The following ACACB variants were observed in gnomAD, a reference collection of about 807,000 sequenced individuals.
The protein encoded by ACACB is acetyl-CoA carboxylase 2.
A neutral mutation model predicts 278.8 loss-of-function variants in ACACB; 209 were observed. The observed-to-expected ratio is 0.75, with a 90% CI of 0.67 to 0.84. ACACB has a LOEUF of 0.84. Among genes scored for constraint, ACACB ranks in the 40% least tolerant of loss-of-function variants. ACACB has a pLI of 0.00. For missense variants in ACACB, 2,850 were observed against 3,269.0 expected, an observed-to-expected ratio of 0.87 and a Z score of 3.13; for synonymous variants, 1,174 against 1,285.6, an observed-to-expected ratio of 0.91 and a Z score of 1.86.
chr12:109,235,850 T>A (rs2136630797), intron 33 of ACACB: 1 of 529,638 alleles, frequency 1.9e-6, no homozygotes. Flanking sequence ...AATTAAAAAA[T>A]CAGCCTGGCA....
chr12:109,134,417 C>T (rs2042919359), intron 1 of ACACB, among the ~76,000 whole-genome samples: 1 of 152,130 alleles, frequency 6.6e-6, no homozygotes, highest in Admixed American at 6.6e-5. Context: ...CCCTCCTTTC[C>T]TGGGGAGGAT....
chr12:109,151,963 C>T (rs73197474), intron 2 of ACACB, among the ~76,000 whole-genome samples: 4,363 of 152,190 alleles, frequency 0.029, 83 homozygotes, highest in African/African-American at 0.05. Context: ...CATTTCTTTC[C>T]GTCTTCTATT....
At chr12:109,262,623 G>GTTTGT (rs1555237470) in intron 49 of ACACB, among the ~76,000 whole-genome samples, 154 bp downstream of exon 49, 2 of 151,940 alleles carry the variant, frequency 1.3e-5, no homozygotes, top group South Asian at 2.1e-4. Flanking sequence ...ACATTTGTCT[G>GTTTGT]TTTGTTTTGT....
chr12:109,133,863 A>ATATATATTTT (rs55881936), intron 1 of ACACB, among the ~76,000 whole-genome samples: 2 of 70,654 alleles, frequency 2.8e-5, no homozygotes, highest in Non-Finnish European at 5.0e-5. Flanking sequence ...ATATATATAT[A>ATATATATTTT]TTTTTTTTTT....
chr12:109,241,595 G>A (rs1001281468), intron 36 of ACACB: 10 of 345,694 alleles, frequency 2.9e-5, no homozygotes, highest in East Asian at 2.0e-4. Context: ...TGATCTGCCC[G>A]CCTCGACCTC....
chr12:109,148,871 A>G (rs1245419494), intron 2 of ACACB, among the ~76,000 whole-genome samples: 1 of 152,188 alleles, frequency 6.6e-6, no homozygotes. Flanking sequence ...ATAGTAAATA[A>G]TCATTTTATG....
intron 1 of ACACB, chr12:109,131,393 A>C (rs1251801220): frequency 6.6e-6 from 1 of 152,492 alleles, no homozygotes; most frequent in Non-Finnish European, 1.5e-5. Flanking sequence ...AGCCTCACTC[A>C]AGAATGGAGC....
chr12:109,231,223 G>A (rs1306236659), intron 28 of ACACB, among the ~76,000 whole-genome samples: 2 of 152,086 alleles, frequency 1.3e-5, no homozygotes, highest in South Asian at 2.1e-4. Context: ...ATCCCCCTGC[G>A]ATGGGGCTGC....
chr12:109,259,215 T>C, intron 47 of ACACB, 107 bp downstream of exon 47: 2 of 1,353,534 alleles, frequency 1.5e-6, no homozygotes, highest in Non-Finnish European at 2.0e-6. Context: ...ATCATCATCT[T>C]AGCTGTGTCT....
At chr12:109,140,890 C>CATTTTTTTT (rs2043106355) in intron 2 of ACACB, among the ~76,000 whole-genome samples, 1 of 86,754 alleles carries the variant, frequency 1.2e-5, no homozygotes, top group East Asian at 4.9e-4. Flanking sequence ...TTCATTCATT[C>CATTTTTTTT]TTTTTTTTTT....
chr12:109,174,250 C>CCCAGAGGGAAG lies in ACACB; in HGVS notation c.1216+21_1216+22insCAGAGGGAAGC. On this transcript the variant is annotated intron_variant, in intron 7 of 52. Transcript: ENST00000338432. ...GAAGCGGTAAGGGACCCCGAGCTTC[C>CCCAGAGGGAAG]CTCTGGGGGAGCTTCTCAGCCCAGT... 6.3e-7 allele frequency: 1 copy of CCCAGAGGGAAG among 1,590,336 alleles called. No individual in the cohort carries two copies. Among genetic ancestry groups the CCCAGAGGGAAG allele is most frequent in the Non-Finnish European group, 8.6e-7 (1 of 1,166,188 alleles).
At chr12:109,142,161 G>T (rs1209456690) in intron 2 of ACACB, among the ~76,000 whole-genome samples, 1 of 151,988 alleles carries the variant, frequency 6.6e-6, no homozygotes, top group East Asian at 1.9e-4. Flanking sequence ...AAGCAGGAGG[G>T]TCACTTGAGC....
intron 31 of ACACB, 32 bp downstream of exon 31, chr12:109,234,077 G>T: frequency 6.5e-7 from 1 of 1,540,952 alleles, no homozygotes; most frequent in South Asian, 1.2e-5. Context: ...TTTTGGTGGG[G>T]GTTCTTGGAG....
At chr12:109,235,689 T>C (rs778250496) in intron 33 of ACACB, 42 bp downstream of exon 33, 1 of 1,570,440 alleles carries the variant, frequency 6.4e-7, no homozygotes, top group Non-Finnish European at 8.7e-7. Flanking sequence ...TCTAGCATCT[T>C]GTTTTATTTT....
At chr12:109,221,655 G>C (rs1300909958) in intron 24 of ACACB, among the ~76,000 whole-genome samples, 1 of 152,122 alleles carries the variant, frequency 6.6e-6, no homozygotes, top group Non-Finnish European at 1.5e-5. Flanking sequence ...GGGAGGCTTT[G>C]GGGGCAGAAT....
In ACACB at chr12:109,197,058, C is replaced by T. The variant is rs2136311225; in HGVS notation, c.2532C>T (p.His844=). The T allele has an allele frequency of 6.3e-7, 1 of 1,593,398 alleles. No individual in the cohort carries two copies. The highest frequency in any genetic ancestry group is 8.5e-7 in the Non-Finnish European group (1 of 1,171,930). The change falls in exon 17 of 53, where the codon CAC becomes CAT. Residue 844 remains histidine (H), a synonymous_variant. Transcript: ENST00000338432. ...TCGTTCTCATCATGAATGGCTGCCA[C>T]ATCGAGATTGATGCCCACCGGCTGA... The part of the protein sequence containing the change: ...TMFVLIMNGC[H]IEIDAHRLND...
intron 2 of ACACB, among the ~76,000 whole-genome samples, chr12:109,157,235 G>T (rs1221511257): frequency 6.6e-6 from 1 of 151,284 alleles, no homozygotes; most frequent in African/African-American, 2.4e-5. Context: ...TTCCACATCT[G>T]TCCAAGGGAC....
At chr12:109,252,399 A>C (rs1162980665) in intron 42 of ACACB, 2 of 356,102 alleles carry the variant, frequency 5.6e-6, no homozygotes, top group Non-Finnish European at 1.0e-5. Context: ...AAATTATTGA[A>C]GTGCCATTAC....
chr12:109,210,201 A>ATATATACACACATGTGTG lies in ACACB; in HGVS notation c.3249+853_3249+854insACACACATGTGTGTATAT, dbSNP rs1565927021. Among the ~76,000 whole-genome samples, 113 of 13,578 alleles carry ATATATACACACATGTGTG rather than the reference A, an allele frequency of 8.3e-3. 19 individuals are homozygous for ATATATACACACATGTGTG. The highest frequency in any genetic ancestry group is 0.019 in the Admixed American group (19 of 1,026). The allele number at this position is 13,578 out of a possible 152,430, so 8.9% of individuals were successfully genotyped here. ...TATATATACACACGTGTGTATATGT[A>ATATATACACACATGTGTG]TATATGTATATATACACACATGTGT... On this transcript the variant is annotated intron_variant, in intron 21 of 52. Coordinates refer to ENST00000338432, the MANE Select transcript of ACACB (RefSeq NM_001093.4).
Sources: gnomAD v4.1 joint callset for allele counts (sites outside exome capture counted in the v4.1 genomes callset) on GRCh38, gnomAD v4.1.1 for gene constraint, MANE v1.5 for transcripts, NCBI Gene and HGNC (gene_info 2026-07-23, HGNC 2026-07-21) for gene names.